Variants in NECAP2 observed in about 807,000 individuals in gnomAD.
NECAP2 encodes NECAP endocytosis associated 2, also known as adaptin ear-binding coat-associated protein 2.
A neutral mutation model predicts 37.8 loss-of-function variants in NECAP2; 38 were observed. That is an observed-to-expected ratio of 1.01 (90% CI 0.78 to 1.32). The LOEUF (loss-of-function observed/expected upper bound fraction) is 1.32. Among genes scored for constraint, NECAP2 ranks in the 40% most tolerant of loss-of-function variants. NECAP2 has a pLI of 0.00. For missense variants in NECAP2, 316 were observed against 334.5 expected (o/e 0.94, Z 0.43); for synonymous variants, 121 against 127.7 (o/e 0.95, Z 0.35).
At chr1:16,451,051 C>T (rs2086834880) in intron 5 of NECAP2, 1 of 152,270 alleles carries the variant, frequency 6.6e-6, no homozygotes, top group African/African-American at 2.4e-5. Context: ...CCTGGCCCCT[C>T]CCAGTAACTG....
intron 1 of NECAP2, among the ~76,000 whole-genome samples, chr1:16,442,697 G>C (rs2086706076): frequency 1.3e-5 from 2 of 152,212 alleles, no homozygotes; most frequent in African/African-American, 4.8e-5. Context: ...GGAAGCCTCG[G>C]TGGAAGGATC....
chr1:16,455,633 TG>T (rs1296441007), intron 6 of NECAP2, 184 bp from the exon 7 acceptor site: 5 of 598,132 alleles, frequency 8.4e-6, no homozygotes, highest in Non-Finnish European at 1.2e-5. Context: ...GAGAAGATGC[TG>T]GAAGTGTGGC....
Position 16,459,274 on chromosome 1 carries a change from G to A in NECAP2, c.*384G>A, listed in dbSNP as rs1411921952. 8.4e-6 allele frequency: 2 copies of A among 238,048 alleles called. No individual in the cohort carries two copies. Among genetic ancestry groups the A allele is most frequent in the African/African-American group, 4.6e-5 (2 of 43,852 alleles). 14.7% of individuals were successfully genotyped at this position (238,048 alleles called of 1,614,324 possible). On this transcript the variant is annotated 3_prime_UTR_variant, in exon 8 of 8. Coordinates refer to ENST00000337132, the MANE Select transcript of NECAP2 (RefSeq NM_018090.5). ...GATCAGCCCTTCCCAGGGTCTGCAG[G>A]TGTCACATGATCACAGTTCAGCGGG...
At chr1:16,446,406 A>G (rs973066026) in intron 2 of NECAP2, among the ~76,000 whole-genome samples, 36 of 152,130 alleles carry the variant, frequency 2.4e-4, no homozygotes, top group African/African-American at 8.4e-4. Flanking sequence ...ATCTCTAACA[A>G]AAATTGAGTG....
intron 7 of NECAP2, among the ~76,000 whole-genome samples, chr1:16,456,551 A>G (rs1387004084): frequency 6.6e-6 from 1 of 152,108 alleles, no homozygotes; most frequent in African/African-American, 2.4e-5. Context: ...GTGGACTGAG[A>G]GTTCAGACCC....
intron 2 of NECAP2, among the ~76,000 whole-genome samples, chr1:16,445,833 G>T (rs2086751902): frequency 6.6e-6 from 1 of 152,126 alleles, no homozygotes; most frequent in Non-Finnish European, 1.5e-5. Flanking sequence ...GAACCGAGGA[G>T]GTAGAGATTG....
intron 6 of NECAP2, among the ~76,000 whole-genome samples, chr1:16,454,817 C>T (rs2086894613): frequency 6.6e-6 from 1 of 152,210 alleles, no homozygotes; most frequent in Non-Finnish European, 1.5e-5. Flanking sequence ...TAAGTGCTCA[C>T]TGAATGTTAG....
intron 4 of NECAP2, 113 bp from the exon 5 acceptor site, chr1:16,448,980 T>C: frequency 3.0e-6 from 2 of 672,292 alleles, no homozygotes; most frequent in East Asian, 5.6e-5. Context: ...CAGCACCCCG[T>C]CTCACTACGA....
intron 5 of NECAP2, chr1:16,449,637 G>C (rs2086812387): frequency 5.5e-6 from 1 of 180,430 alleles, no homozygotes; most frequent in South Asian, 1.2e-4. Flanking sequence ...CAGAGGTGGT[G>C]TTTCTGTCCT....
chr1:16,452,152 A>G lies in NECAP2; in HGVS notation c.667+137A>G, dbSNP rs1175143002. 4.4e-6 allele frequency: 4 copies of G among 913,566 alleles called. No homozygotes were observed. In the East Asian group the frequency reaches 8.4e-5, roughly 19 times the overall value. The allele number at this position is 913,566 out of a possible 1,614,324, so 56.6% of individuals were successfully genotyped here. A position where few individuals can be genotyped will look rare whatever the true frequency, so the allele number is the denominator to read the frequency against. ...CCTGTCCGTGTCAAAGAAGGCGGGC[A>G]CCCAAAGCTCATTCTGCACACGCTG... On this transcript the variant is annotated intron_variant, in intron 6 of 7. Coordinates refer to ENST00000337132, the MANE Select transcript of NECAP2 (RefSeq NM_018090.5).
chr1:16,455,865 A>C lies in NECAP2; in HGVS notation c.715A>C (p.Ile239Leu). The change falls in exon 7 of 8, where the codon ATC becomes CTC. Residue 239 changes from isoleucine to leucine, a missense_variant. By Grantham distance (5) the Ile-to-Leu change is conservative. Transcript: ENST00000337132. Reference sequence around the variant, plus strand: ...ACAGCCCAATCCTGCCACTGCTGACATCTGGGGAGACTTTACCAAATCTAC... The same window carrying C: ...ACAGCCCAATCCTGCCACTGCTGACCTCTGGGGAGACTTTACCAAATCTAC... ...WPQPNPATAD[I>L]WGDFTKSTGS... The C allele has an allele frequency of 1.9e-6, 3 of 1,614,126 alleles. No homozygotes were observed. Among genetic ancestry groups the C allele is most frequent in the Non-Finnish European group, 2.5e-6 (3 of 1,180,012 alleles).
chr1:16,456,867 T>A (rs1404058661), intron 7 of NECAP2, among the ~76,000 whole-genome samples: 2 of 152,084 alleles, frequency 1.3e-5, no homozygotes, highest in Non-Finnish European at 2.9e-5. Flanking sequence ...ATGCCAGCTA[T>A]TTTTTGTATT....
intron 6 of NECAP2, chr1:16,455,555 C>T (rs529628516): frequency 6.5e-6 from 3 of 461,700 alleles, no homozygotes; most frequent in South Asian, 3.8e-5. Context: ...CCACCCATCC[C>T]GCGGGCACCC....
Position 16,455,854 on chromosome 1 carries a change from C to T in NECAP2, c.704C>T (p.Ala235Val), listed in dbSNP as rs1205580855. The T allele has an allele frequency of 6.2e-7, 1 of 1,614,096 alleles. No homozygotes were observed. The highest frequency in any genetic ancestry group is 8.5e-7 in the Non-Finnish European group (1 of 1,179,978). ...APVPWPQPNP[A>V]TADIWGDFTK... is the part of the protein sequence containing the mutation. ...GTACCCTGGCCACAGCCCAATCCTG[C>T]CACTGCTGACATCTGGGGAGACTTT... Residue 235 changes from alanine (A) to valine (V), a missense_variant, in exon 7 of 8, where the codon GCC (alanine) becomes GTC (valine). Ala to Val is a moderately conservative substitution (Grantham distance 64). This residue lies in a region of NECAP2 where 204 missense variants were observed against 188.6 expected (regional missense o/e 1.08). Transcript: ENST00000337132.
chr1:16,456,757 A>C (rs1424772783), intron 7 of NECAP2, among the ~76,000 whole-genome samples: 2 of 152,122 alleles, frequency 1.3e-5, no homozygotes, highest in Non-Finnish European at 2.9e-5. Context: ...GTTTTGAGAC[A>C]GGGTCTCTCT....
chr1:16,442,432 G>A (rs992438610), intron 1 of NECAP2, among the ~76,000 whole-genome samples: 1 of 152,194 alleles, frequency 6.6e-6, no homozygotes, highest in Admixed American at 6.5e-5. Context: ...CTCAGGCCTG[G>A]TAAGAGGAAC....
chr1:16,457,039 A>G (rs2086931324), intron 7 of NECAP2, among the ~76,000 whole-genome samples: 1 of 152,282 alleles, frequency 6.6e-6, no homozygotes. Flanking sequence ...AATAGTTTAG[A>G]CTATTCAGGC....
chr1:16,454,028 T>C (rs969276771), intron 6 of NECAP2, among the ~76,000 whole-genome samples: 2 of 152,206 alleles, frequency 1.3e-5, no homozygotes, highest in African/African-American at 2.4e-5. Context: ...AAATTTCAGC[T>C]TACTAGCTTT....
intron 1 of NECAP2, among the ~76,000 whole-genome samples, chr1:16,443,333 G>A (rs990988264): frequency 1.3e-5 from 2 of 152,214 alleles, no homozygotes; most frequent in African/African-American, 4.8e-5. Context: ...AACATTACAT[G>A]AATTTCAGAT....
Sources: allele counts gnomAD v4.1 joint callset (sites outside exome capture counted in the v4.1 genomes callset), GRCh38; gene constraint gnomAD v4.1.1; regional missense constraint gnomAD v4.1.1; transcripts MANE v1.5; gene names NCBI Gene and HGNC (gene_info 2026-07-23, HGNC 2026-07-21).